ENOX1: variants seen among roughly 807,000 people sequenced by gnomAD.
ENOX1 encodes the protein ecto-NOX disulfide-thiol exchanger 1.
In ENOX1, 42 loss-of-function variants were observed where a neutral mutation model predicts 82.5. The observed-to-expected ratio is 0.51, with a 90% confidence interval of 0.40 to 0.66. The LOEUF (loss-of-function observed/expected upper bound fraction) is 0.66, where lower values mean the gene tolerates loss of function less well. Among genes scored for constraint, ENOX1 ranks in the 30% least tolerant of loss-of-function variants. The pLI is 0.00. For missense variants in ENOX1, 608 were observed against 811.6 expected (o/e 0.75, Z 3.05); for synonymous variants, 271 against 282.2 (o/e 0.96, Z 0.40).
At chr13:43,565,790 C>G (rs148462380) in intron 2 of ENOX1, among the ~76,000 whole-genome samples, 1 of 152,252 alleles carries the variant, frequency 6.6e-6, no homozygotes, top group Non-Finnish European at 1.5e-5. Context: ...AAAACTAGGA[C>G]AGTTGCTGGT....
intron 2 of ENOX1, among the ~76,000 whole-genome samples, chr13:43,549,702 T>TA (rs2079109703): frequency 6.6e-6 from 1 of 152,214 alleles, no homozygotes; most frequent in Non-Finnish European, 1.5e-5. Flanking sequence ...TGCAAATGTA[T>TA]ATATGCTCTG....
At chr13:43,421,261 T>C (rs1006783280) in intron 3 of ENOX1, among the ~76,000 whole-genome samples, 1 of 152,218 alleles carries the variant, frequency 6.6e-6, no homozygotes. Flanking sequence ...AAGGTTACAT[T>C]CTGATAAATC....
At chr13:43,662,329 T>G (rs1298934846) in intron 2 of ENOX1, among the ~76,000 whole-genome samples, 1 of 152,196 alleles carries the variant, frequency 6.6e-6, no homozygotes, top group Non-Finnish European at 1.5e-5. Flanking sequence ...TGAGAAGTCT[T>G]AAATTGAATC....
intron 2 of ENOX1, among the ~76,000 whole-genome samples, chr13:43,653,919 T>C (rs571165958): frequency 6.6e-6 from 1 of 152,238 alleles, no homozygotes; most frequent in South Asian, 2.1e-4. Flanking sequence ...TAACAGAATC[T>C]TTACTCCCTT....
intron 1 of ENOX1, among the ~76,000 whole-genome samples, chr13:43,709,055 T>C (rs545382598): frequency 6.6e-6 from 1 of 152,066 alleles, no homozygotes; most frequent in Non-Finnish European, 1.5e-5. Context: ...ATCTGACAAA[T>C]GATGTATATA....
At chr13:43,420,026 T>C (rs756495310) in intron 3 of ENOX1, among the ~76,000 whole-genome samples, 3 of 152,154 alleles carry the variant, frequency 2.0e-5, no homozygotes, top group Non-Finnish European at 4.4e-5. Context: ...TCAGCAAATT[T>C]CTTATTTTAT....
intron 2 of ENOX1, among the ~76,000 whole-genome samples, chr13:43,623,539 G>A (rs1013808411): frequency 6.6e-6 from 1 of 152,180 alleles, no homozygotes; most frequent in Non-Finnish European, 1.5e-5. Flanking sequence ...GGGAGTGTGT[G>A]TTCGGGAGAG....
At chr13:43,329,550 G>A (rs1262318288) in intron 9 of ENOX1, among the ~76,000 whole-genome samples, 2 of 152,168 alleles carry the variant, frequency 1.3e-5, no homozygotes, top group Non-Finnish European at 2.9e-5. Flanking sequence ...CTGAAATATG[G>A]ATTAGGGGTT....
At chr13:43,299,142 GC>G (rs1300546223) in intron 11 of ENOX1, among the ~76,000 whole-genome samples, 1 of 152,078 alleles carries the variant, frequency 6.6e-6, no homozygotes, top group Non-Finnish European at 1.5e-5. Context: ...CCTCTACAAG[GC>G]TGAGTGGTTA....
chr13:43,633,523 T>C (rs2083297589), intron 2 of ENOX1, among the ~76,000 whole-genome samples: 2 of 152,068 alleles, frequency 1.3e-5, no homozygotes, highest in Non-Finnish European at 2.9e-5. Context: ...AAAAGTAAAT[T>C]ATTAAGTATC....
At chr13:43,568,527 G>A (rs1195556447) in intron 2 of ENOX1, among the ~76,000 whole-genome samples, 1 of 152,104 alleles carries the variant, frequency 6.6e-6, no homozygotes, top group Non-Finnish European at 1.5e-5. Context: ...TTGATAAACT[G>A]GCCCACTCCA....
At chr13:43,470,566 A>G (rs2058026488) in intron 3 of ENOX1, among the ~76,000 whole-genome samples, 1 of 150,696 alleles carries the variant, frequency 6.6e-6, no homozygotes. Flanking sequence ...TCAGATTGGA[A>G]GGAAATACTT....
At chr13:43,607,207 G>A (rs2082011984) in intron 2 of ENOX1, among the ~76,000 whole-genome samples, 1 of 151,788 alleles carries the variant, frequency 6.6e-6, no homozygotes, top group Non-Finnish European at 1.5e-5. Context: ...AATATTTCAT[G>A]TACCCCTTAA....
chr13:43,726,208 T>G (rs1277965938), intron 1 of ENOX1, among the ~76,000 whole-genome samples: 2 of 151,108 alleles, frequency 1.3e-5, no homozygotes, highest in Non-Finnish European at 2.9e-5. Flanking sequence ...GTTATGAAAT[T>G]TTTCATCTTT....
intron 2 of ENOX1, among the ~76,000 whole-genome samples, chr13:43,558,638 T>G (rs1205280291): frequency 6.6e-6 from 1 of 152,228 alleles, no homozygotes; most frequent in Non-Finnish European, 1.5e-5. Flanking sequence ...ACTTCTACAT[T>G]TCAACATTAA....
chr13:43,592,174 A>G (rs2081275480), intron 2 of ENOX1, among the ~76,000 whole-genome samples: 1 of 152,338 alleles, frequency 6.6e-6, no homozygotes, highest in Admixed American at 6.5e-5. Context: ...TAGATATAAA[A>G]TGTGAAAGGA....
At chr13:43,294,491 G>A (rs1180258684) in intron 12 of ENOX1, among the ~76,000 whole-genome samples, 4 of 152,210 alleles carry the variant, frequency 2.6e-5, no homozygotes, top group Non-Finnish European at 4.4e-5. Context: ...AGTGCTGCCT[G>A]ATGAGGATGC....
intron 13 of ENOX1, among the ~76,000 whole-genome samples, chr13:43,267,086 A>G (rs997420305): frequency 3.9e-5 from 6 of 151,956 alleles, no homozygotes; most frequent in African/African-American, 1.5e-4. Context: ...GCTGTGCTCC[A>G]TTGCCAGAAC....
chr13:43,639,074 C>G (rs775596057), intron 2 of ENOX1, among the ~76,000 whole-genome samples: 1 of 151,796 alleles, frequency 6.6e-6, no homozygotes, highest in Non-Finnish European at 1.5e-5. Context: ...GAAGCCAAGG[C>G]GGGCAGATCA....
Sources: gnomAD v4.1 joint callset for allele counts (sites outside exome capture counted in the v4.1 genomes callset) on GRCh38, gnomAD v4.1.1 for gene constraint, MANE v1.5 for transcripts, NCBI Gene and HGNC (gene_info 2026-07-23, HGNC 2026-07-21) for gene names.